The following KLF12 variants were observed in gnomAD, a reference collection of about 807,000 sequenced individuals.
KLF12 encodes Krueppel-like factor 12.
KLF12 carries 9 observed loss-of-function variants against 37.8 expected under a neutral mutation model. The observed-to-expected ratio is 0.24, with a 90% CI of 0.14 to 0.42. The LOEUF is 0.42. Among genes scored for constraint, KLF12 ranks in the 10% least tolerant of loss-of-function variants. The probability of loss-of-function intolerance (pLI) is 1.00; values close to 1 mark genes in which losing one functional copy is unlikely to be tolerated. For missense variants in KLF12, 411 were observed against 516.0 expected, an observed-to-expected ratio of 0.80 and a Z score of 1.97; for synonymous variants, 208 against 202.1, an observed-to-expected ratio of 1.03 and a Z score of -0.25.
At chr13:74,304,536 A>C in the KLF12 span, among the ~76,000 whole-genome samples, 1 of 152,146 alleles carries the variant, frequency 6.6e-6, no homozygotes, top group East Asian at 1.9e-4. Context: ...ATATTATGCT[A>C]ATATATTTTT....
the KLF12 span, among the ~76,000 whole-genome samples, chr13:74,235,018 AAC>A: frequency 6.6e-6 from 1 of 152,214 alleles, no homozygotes; most frequent in Non-Finnish European, 1.5e-5. Flanking sequence ...AATGTGACAT[AAC>A]ACAGTCTGGA....
chr13:74,036,448 C>G (rs571489027), intron 1 of KLF12, among the ~76,000 whole-genome samples: 1 of 152,280 alleles, frequency 6.6e-6, no homozygotes, highest in Admixed American at 6.5e-5. Flanking sequence ...ATTGTCCCCA[C>G]GCCCACCCAC....
intron 4 of KLF12, among the ~76,000 whole-genome samples, chr13:73,830,164 G>T (rs1354496192): frequency 1.3e-5 from 2 of 152,104 alleles, no homozygotes; most frequent in Admixed American, 6.5e-5. Flanking sequence ...ATACCAATGG[G>T]CACAATAATG....
intron 1 of KLF12, among the ~76,000 whole-genome samples, chr13:74,098,498 T>A (rs1048195028): frequency 6.6e-6 from 1 of 152,352 alleles, no homozygotes; most frequent in East Asian, 1.9e-4. Context: ...TCAAGCTCTA[T>A]GATCTAATGA....
chr13:74,192,640 T>C, the KLF12 span, among the ~76,000 whole-genome samples: 1 of 152,212 alleles, frequency 6.6e-6, no homozygotes, highest in Non-Finnish European at 1.5e-5. Flanking sequence ...CACACATATT[T>C]TGTAAAATGA....
chr13:73,906,148 G>A (rs554759655), intron 3 of KLF12, among the ~76,000 whole-genome samples: 8 of 152,064 alleles, frequency 5.3e-5, no homozygotes, highest in Non-Finnish European at 1.0e-4. Flanking sequence ...TCCCCCAAAT[G>A]CTCTAAAAGG....
At chr13:74,156,439 T>A in the KLF12 span, among the ~76,000 whole-genome samples, 27 of 152,352 alleles carry the variant, frequency 1.8e-4, 1 homozygote, top group South Asian at 5.6e-3. Context: ...TGATGGAGAA[T>A]GAGGTATCCA....
the KLF12 span, among the ~76,000 whole-genome samples, chr13:74,150,120 A>AG: frequency 2.6e-5 from 4 of 151,542 alleles, no homozygotes; most frequent in South Asian, 8.4e-4. Flanking sequence ...TAATTTCAGT[A>AG]AGGACTGATT....
intron 4 of KLF12, among the ~76,000 whole-genome samples, chr13:73,820,842 G>A (rs762638082): frequency 6.6e-6 from 1 of 152,218 alleles, no homozygotes; most frequent in Non-Finnish European, 1.5e-5. Flanking sequence ...TTTCAAGACT[G>A]TTGGTTATTC....
chr13:73,718,053 T>C (rs1323937998), intron 6 of KLF12, among the ~76,000 whole-genome samples: 1 of 152,256 alleles, frequency 6.6e-6, no homozygotes, highest in Admixed American at 6.5e-5. Flanking sequence ...CTGCAAGTTA[T>C]AACTTAAAGT....
chr13:74,034,249 A>T (rs1242039477), intron 1 of KLF12, among the ~76,000 whole-genome samples: 5 of 150,972 alleles, frequency 3.3e-5, no homozygotes, highest in African/African-American at 1.2e-4. Context: ...TTTTTTTTTT[A>T]GTAGAGATGG....
intron 1 of KLF12, among the ~76,000 whole-genome samples, chr13:74,122,038 T>C (rs1220158242): frequency 6.6e-6 from 1 of 152,024 alleles, no homozygotes; most frequent in African/African-American, 2.4e-5. Flanking sequence ...ACATGCCTAC[T>C]TTATCAATGG....
chr13:73,765,058 T>C (rs1327627350), intron 5 of KLF12, 58 bp from the exon 6 acceptor site: 2 of 1,004,728 alleles, frequency 2.0e-6, no homozygotes, highest in Admixed American at 4.5e-5. Flanking sequence ...ATTGCAAATT[T>C]AAAAAAATGG....
intron 5 of KLF12, among the ~76,000 whole-genome samples, chr13:73,810,742 A>C (rs976626281): frequency 1.3e-5 from 2 of 152,152 alleles, no homozygotes. Flanking sequence ...CTCAGAATTG[A>C]AACTTATCAT....
chr13:74,132,422 T>C (rs1878312518), intron 1 of KLF12, among the ~76,000 whole-genome samples: 1 of 152,170 alleles, frequency 6.6e-6, no homozygotes, highest in African/African-American at 2.4e-5. Flanking sequence ...TGCTCGTCTC[T>C]CCGATGTTAC....
intron 3 of KLF12, among the ~76,000 whole-genome samples, chr13:73,886,853 G>A (rs1044621944): frequency 1.7e-4 from 26 of 151,920 alleles, no homozygotes; most frequent in Admixed American, 3.9e-4. Context: ...TTAGCTGGGC[G>A]TGGTGGCGCA....
chr13:74,134,278 G>A (rs951833619), upstream of KLF12, among the ~76,000 whole-genome samples: 3 of 152,184 alleles, frequency 2.0e-5, no homozygotes, highest in East Asian at 1.9e-4. Context: ...GCGAGCCCCG[G>A]GGTGGGGCCG....
At chr13:73,746,532 T>G (rs534428134) in intron 6 of KLF12, among the ~76,000 whole-genome samples, 52 of 152,094 alleles carry the variant, frequency 3.4e-4, no homozygotes, top group Non-Finnish European at 5.4e-4. Context: ...CTCCTTTAGA[T>G]ACCTTTATAT....
intron 3 of KLF12, among the ~76,000 whole-genome samples, chr13:73,941,668 T>C (rs1890193248): frequency 1.3e-5 from 2 of 152,184 alleles, no homozygotes; most frequent in African/African-American, 2.4e-5. Flanking sequence ...ATTCTAGACT[T>C]TGTTTCAAAC....
Sources: gnomAD v4.1 joint callset for allele counts (sites outside exome capture counted in the v4.1 genomes callset) on GRCh38, gnomAD v4.1.1 for gene constraint, MANE v1.5 for transcripts, NCBI Gene and HGNC (gene_info 2026-07-23, HGNC 2026-07-21) for gene names.